The following LRRC3B variants were observed in gnomAD, a reference collection of about 807,000 sequenced individuals.
LRRC3B encodes the protein leucine rich repeat containing 3B.
In LRRC3B, 2 loss-of-function variants were observed where a neutral mutation model predicts 12.8. The ratio of observed to expected loss-of-function variants is 0.16; its 90% CI spans 0.06 to 0.49. LRRC3B has a LOEUF of 0.49. LRRC3B is among the 20% of genes least tolerant of loss of function. The probability of loss-of-function intolerance (pLI) is 0.96; values close to 1 mark genes in which losing one functional copy is unlikely to be tolerated. For synonymous variants in LRRC3B, 132 were observed against 122.0 expected, an observed-to-expected ratio of 1.08 and a Z score of -0.54; for missense variants, 189 against 319.4, an observed-to-expected ratio of 0.59 and a Z score of 3.11.
rs9861821 is a variant in LRRC3B at position 26,688,679 on chromosome 3, A to C, written c.-160-20834A>C. Among the ~76,000 whole-genome samples the C allele has an allele frequency of 6.3e-3, 956 of 152,224 alleles. 6 individuals are homozygous for C. Among genetic ancestry groups the C allele is most frequent in the Middle Eastern group, 0.024 (7 of 294 alleles). On this transcript the variant is annotated intron_variant, in intron 1 of 1. Transcript: ENST00000396641. ...ACTCATCATCATGAGAACAGCACCA[A>C]GGGGATGGTGCTAAACCATTCACGA...
At chr3:26,691,109 A>G (rs868866266) in intron 1 of LRRC3B, among the ~76,000 whole-genome samples, 40 of 131,004 alleles carry the variant, frequency 3.1e-4, no homozygotes, top group Admixed American at 5.6e-4. Flanking sequence ...GTGTGTGTAT[A>G]TATATATATA....
At chr3:26,655,637 T>C (rs1029560558) in intron 1 of LRRC3B, among the ~76,000 whole-genome samples, 1 of 152,234 alleles carries the variant, frequency 6.6e-6, no homozygotes, top group African/African-American at 2.4e-5. Flanking sequence ...TTATCTTTCA[T>C]AGATGTGCCC....
chr3:26,674,369 A>C (rs1699814774), intron 1 of LRRC3B, among the ~76,000 whole-genome samples: 1 of 152,250 alleles, frequency 6.6e-6, no homozygotes, highest in Admixed American at 6.5e-5. Context: ...GGACTAAAAA[A>C]AAGTTTAAGC....
chr3:26,692,163 T>C (rs927616389), intron 1 of LRRC3B, among the ~76,000 whole-genome samples: 3 of 152,218 alleles, frequency 2.0e-5, no homozygotes, highest in Admixed American at 1.3e-4. Flanking sequence ...CTATTTTGCC[T>C]AAATAATATC....
intron 1 of LRRC3B, among the ~76,000 whole-genome samples, chr3:26,628,510 A>G (rs976495620): frequency 5.3e-5 from 8 of 150,786 alleles, no homozygotes; most frequent in Admixed American, 2.0e-4. Flanking sequence ...ATCTTAATCT[A>G]TATTTAGATT....
intron 1 of LRRC3B, among the ~76,000 whole-genome samples, chr3:26,633,646 T>G (rs1385022507): frequency 1.3e-5 from 2 of 152,152 alleles, no homozygotes; most frequent in Admixed American, 6.5e-5. Context: ...GGAAGATGAT[T>G]ACATATACCC....
At chr3:26,677,413 C>A (rs1699882796) in intron 1 of LRRC3B, among the ~76,000 whole-genome samples, 1 of 152,168 alleles carries the variant, frequency 6.6e-6, no homozygotes, top group Non-Finnish European at 1.5e-5. Flanking sequence ...AGGCAGGAGG[C>A]AGGTGTTCAT....
chr3:26,648,833 T>C (rs572678961), intron 1 of LRRC3B, among the ~76,000 whole-genome samples: 1 of 152,226 alleles, frequency 6.6e-6, no homozygotes, highest in Non-Finnish European at 1.5e-5. Context: ...ATATGGACTC[T>C]GCCTTAACAT....
At chr3:26,636,424 G>T (rs1698872888) in intron 1 of LRRC3B, among the ~76,000 whole-genome samples, 1 of 152,144 alleles carries the variant, frequency 6.6e-6, no homozygotes, top group Non-Finnish European at 1.5e-5. Flanking sequence ...TTTGCCATTT[G>T]AGAATGGAGA....
intron 1 of LRRC3B, among the ~76,000 whole-genome samples, chr3:26,670,488 C>T (rs1294141445): frequency 6.6e-6 from 1 of 152,110 alleles, no homozygotes; most frequent in African/African-American, 2.4e-5. Context: ...TCTTTCTGAG[C>T]ACCGGGTTTT....
At chr3:26,686,386 G>A (rs981708617) in intron 1 of LRRC3B, among the ~76,000 whole-genome samples, 1 of 152,070 alleles carries the variant, frequency 6.6e-6, no homozygotes, top group Non-Finnish European at 1.5e-5. Flanking sequence ...GCCGGTAAAT[G>A]GTTATTTCTT....
At chr3:26,633,339 A>G (rs1389076300) in intron 1 of LRRC3B, among the ~76,000 whole-genome samples, 1 of 152,168 alleles carries the variant, frequency 6.6e-6, no homozygotes, top group African/African-American at 2.4e-5. Flanking sequence ...TCTATGTGAA[A>G]TGGGTATAAT....
intron 1 of LRRC3B, among the ~76,000 whole-genome samples, chr3:26,669,974 A>G (rs1199655200): frequency 6.6e-6 from 1 of 152,210 alleles, no homozygotes; most frequent in Non-Finnish European, 1.5e-5. Flanking sequence ...GCTTGATAAT[A>G]TGCTACTTCC....
chr3:26,625,354 C>T (rs752080465), intron 1 of LRRC3B: 2 of 152,254 alleles, frequency 1.3e-5, no homozygotes, highest in African/African-American at 4.8e-5. Flanking sequence ...GCAGCTAGCT[C>T]CCTGCCTAGC....
At chr3:26,691,585 T>G (rs192945949) in intron 1 of LRRC3B, among the ~76,000 whole-genome samples, 38 of 152,330 alleles carry the variant, frequency 2.5e-4, no homozygotes, top group Non-Finnish European at 2.9e-4. Context: ...CATCCATTTC[T>G]AATTGAAATC....
chr3:26,687,058 C>T (rs1387098005), intron 1 of LRRC3B, among the ~76,000 whole-genome samples: 1 of 152,168 alleles, frequency 6.6e-6, no homozygotes, highest in Non-Finnish European at 1.5e-5. Flanking sequence ...GTTGCAGGGT[C>T]ATCTAGGTGG....
intron 1 of LRRC3B, among the ~76,000 whole-genome samples, chr3:26,664,150 G>A (rs1046967007): frequency 2.0e-5 from 3 of 152,022 alleles, no homozygotes; most frequent in African/African-American, 7.2e-5. Flanking sequence ...ACCAAACTAT[G>A]CATGGTTCTT....
At chr3:26,642,846 G>T (rs1461288128) in intron 1 of LRRC3B, among the ~76,000 whole-genome samples, 1 of 152,044 alleles carries the variant, frequency 6.6e-6, no homozygotes, top group Admixed American at 6.6e-5. Flanking sequence ...GTGAAAGCCT[G>T]TCTCTACTAA....
At chr3:26,706,872 T>A (rs1700603079) in intron 1 of LRRC3B, among the ~76,000 whole-genome samples, 1 of 152,218 alleles carries the variant, frequency 6.6e-6, no homozygotes, top group Non-Finnish European at 1.5e-5. Context: ...TTAAAATATT[T>A]ATAAAAATAA....
Sources: allele counts gnomAD v4.1 joint callset (sites outside exome capture counted in the v4.1 genomes callset), GRCh38; gene constraint gnomAD v4.1.1; transcripts MANE v1.5; gene names NCBI Gene and HGNC (gene_info 2026-07-23, HGNC 2026-07-21).